The following EFNB3 variants were observed in gnomAD, a reference collection of about 807,000 sequenced individuals.
The protein encoded by EFNB3 is ephrin B3, also known as ephrin-B3.
EFNB3 carries 14 observed loss-of-function variants against 29.8 expected under a neutral mutation model. The observed-to-expected ratio is 0.47, with a 90% confidence interval of 0.31 to 0.73. EFNB3 has a LOEUF of 0.73. Among genes scored for constraint, EFNB3 ranks in the 30% least tolerant of loss-of-function variants. EFNB3 has a pLI of 0.05. For missense variants in EFNB3, 408 were observed against 458.0 expected, an observed-to-expected ratio of 0.89 and a Z score of 1.00; for synonymous variants, 216 against 191.6, an observed-to-expected ratio of 1.13 and a Z score of -1.05.
In EFNB3 at chr17:7,709,685, C is replaced by A. The variant is rs1004386410; in HGVS notation, c.*109C>A. The A allele has an allele frequency of 1.7e-6, 2 of 1,143,744 alleles. No individual in the cohort carries two copies. Among genetic ancestry groups the A allele is most frequent in the Non-Finnish European group, 2.6e-6 (2 of 783,750 alleles). 70.8% of individuals were successfully genotyped at this position (1,143,744 alleles called of 1,614,324 possible). ...AACATCTCGGCCCCCTGTGCCCCCC[C>A]AGCCCCTTCACTCCTCCCGGCTGCT... On this transcript the variant is annotated 3_prime_UTR_variant, in exon 5 of 5. Coordinates refer to ENST00000226091, the MANE Select transcript of EFNB3 (RefSeq NM_001406.4). This position sits in a 1 kb window ranked among gnomAD's most constrained non-coding sequence, Gnocchi z 4.5.
Position 7,708,887 on chromosome 17 carries a change from A to G in EFNB3, c.613+148A>G, listed in dbSNP as rs1358031039. 11 of 737,008 alleles carry G rather than the reference A, an allele frequency of 1.5e-5. No individual in the cohort carries two copies. The highest frequency in any genetic ancestry group is 5.8e-5 in the South Asian group (3 of 52,020). 45.7% of individuals were successfully genotyped at this position (737,008 alleles called of 1,614,324 possible). ...GAGAGGATGGGAGGGTGGGAGGGGA[A>G]TGGAAACCAAATGAGGAAAAGACTC... On this transcript the variant is annotated intron_variant, in intron 4 of 4. Coordinates refer to ENST00000226091, the MANE Select transcript of EFNB3 (RefSeq NM_001406.4). This position sits in a 1 kb window ranked among gnomAD's most constrained non-coding sequence, Gnocchi z 6.8.
Position 7,708,592 on chromosome 17 carries a change from G to A in EFNB3, c.509-43G>A. ...CGTTGGGGCAGTACGATCATGGTTGGGGCAGTTGTCTCAGCCCCTCTCTGG... is the reference window on the plus strand; with the variant it reads ...CGTTGGGGCAGTACGATCATGGTTGAGGCAGTTGTCTCAGCCCCTCTCTGG... On this transcript the variant is annotated intron_variant, in intron 3 of 4. Transcript: ENST00000226091. The surrounding 1 kb of genome is among the most constrained non-coding windows in gnomAD (Gnocchi z 6.8). 6.3e-7 allele frequency: 1 copy of A among 1,589,662 alleles called. No individual in the cohort carries two copies. The highest frequency in any genetic ancestry group is 8.6e-7 in the Non-Finnish European group (1 of 1,166,902).
rs1469634196 is a variant in EFNB3 at position 7,709,495 on chromosome 17, G to A, written c.942G>A (p.Val314=). 1.2e-5 allele frequency: 19 copies of A among 1,613,774 alleles called. No homozygotes were observed. The highest frequency in any genetic ancestry group is 1.6e-5 in the Non-Finnish European group (19 of 1,179,916). ...CCTTCTGCCCCCACTATGAGAAGGT[G>A]AGTGGTGACTATGGGCATCCTGTGT... The part of the protein sequence containing the change: ...DPPFCPHYEK[V]SGDYGHPVYI... The change falls in exon 5 of 5, where the codon GTG becomes GTA. Residue 314 remains valine (V), a synonymous_variant. Transcript: ENST00000226091. This position sits in a 1 kb window ranked among gnomAD's most constrained non-coding sequence, Gnocchi z 4.5.
rs1178679010 is a variant in EFNB3, at chr17:7,709,467, C to T, written c.914C>T (p.Pro305Leu). 3.1e-6 allele frequency: 5 copies of T among 1,613,476 alleles called. No individual in the cohort carries two copies. In the African/African-American group the frequency reaches 6.7e-5, roughly 22 times the overall value. ...IALRGGGAAD[P>L]PFCPHYEKVS... is the part of the protein sequence containing the mutation. ...CTGCGGGGTGGCGGGGCTGCAGATCCCCCCTTCTGCCCCCACTATGAGAAG... is the reference window on the plus strand; with the variant it reads ...CTGCGGGGTGGCGGGGCTGCAGATCTCCCCTTCTGCCCCCACTATGAGAAG... Residue 305 changes from proline (P) to leucine (L), a missense_variant, in exon 5 of 5, where the codon CCC becomes CTC. By Grantham distance (98) the Pro-to-Leu change is moderately conservative (BLOSUM62 -3). Transcript: ENST00000226091. The surrounding 1 kb of genome is among the most constrained non-coding windows in gnomAD (Gnocchi z 4.5).
Position 7,708,832 on chromosome 17 carries a change from T to C in EFNB3, c.613+93T>C, listed in dbSNP as rs1366804253. ...CGTCACCCTCCCTCCCTCTTCAGTTTTGGGGGCGGTGATACAGGAAAGAGG... is the reference window on the plus strand; with the variant it reads ...CGTCACCCTCCCTCCCTCTTCAGTTCTGGGGGCGGTGATACAGGAAAGAGG... On this transcript the variant is annotated intron_variant, in intron 4 of 4. Coordinates refer to ENST00000226091, the MANE Select transcript of EFNB3 (RefSeq NM_001406.4). This position sits in a 1 kb window ranked among gnomAD's most constrained non-coding sequence, Gnocchi z 6.8. 3.1e-5 allele frequency: 36 copies of C among 1,157,048 alleles called. No homozygotes were observed. The highest frequency in any genetic ancestry group is 4.0e-5 in the Non-Finnish European group (33 of 830,904). 71.7% of individuals were successfully genotyped at this position (1,157,048 alleles called of 1,614,324 possible). A position where few individuals can be genotyped will look rare whatever the true frequency, so the allele number is the denominator to read the frequency against.
chr17:7,707,777 A>G (rs983895464), intron 1 of EFNB3, among the ~76,000 whole-genome samples, 181 bp from the exon 2 acceptor site: 5 of 152,146 alleles, frequency 3.3e-5, no homozygotes, highest in Admixed American at 3.3e-4. Flanking sequence ...TGCTGCTTCC[A>G]ATGTGAATGC....
At position 7,708,752 on chromosome 17, in the gene EFNB3, G is replaced by A; in HGVS notation, c.613+13G>A. Reference sequence around the variant, plus strand: ...GAGAACCTGCCAGGTAGGAACCAGGGGCTAGGCCCCTGCCTTCCCCAGCTT... The same window carrying A: ...GAGAACCTGCCAGGTAGGAACCAGGAGCTAGGCCCCTGCCTTCCCCAGCTT... On this transcript the variant is annotated intron_variant, in intron 4 of 4. Coordinates refer to ENST00000226091, the MANE Select transcript of EFNB3 (RefSeq NM_001406.4). This position sits in a 1 kb window ranked among gnomAD's most constrained non-coding sequence, Gnocchi z 6.8. The A allele has an allele frequency of 1.3e-6, 2 of 1,537,054 alleles. No homozygotes were observed. Among genetic ancestry groups the A allele is most frequent in the Non-Finnish European group, 1.8e-6 (2 of 1,140,604 alleles).
At position 7,708,266 on chromosome 17, in the gene EFNB3, G is replaced by A. The variant is rs999150896; in HGVS notation, c.415+16G>A. On this transcript the variant is annotated intron_variant, in intron 2 of 4. Coordinates refer to ENST00000226091, the MANE Select transcript of EFNB3 (RefSeq NM_001406.4). This position sits in a 1 kb window ranked among gnomAD's most constrained non-coding sequence, Gnocchi z 6.8. ...TACATCATTGGTACTGCTGGGCAGA[G>A]GGCACGATTGAGTGGGGGGCTCCTG... 2 of 1,605,912 alleles carry A rather than the reference G, an allele frequency of 1.2e-6. No individual in the cohort carries two copies. The highest frequency in any genetic ancestry group is 1.1e-5 in the South Asian group (1 of 90,784).
At chr17:7,706,087 G>A (rs932868954) in intron 1 of EFNB3, among the ~76,000 whole-genome samples, 2 of 150,892 alleles carry the variant, frequency 1.3e-5, no homozygotes, top group African/African-American at 4.9e-5. Context: ...TGCAGATTAG[G>A]TGCTGCGAGT....
chr17:7,708,839 C>A lies in EFNB3; in HGVS notation c.613+100C>A. 2.5e-6 allele frequency: 2 copies of A among 791,550 alleles called. No homozygotes were observed. Among genetic ancestry groups the A allele is most frequent in the Non-Finnish European group, 3.7e-6 (2 of 540,112 alleles). 49.0% of individuals were successfully genotyped at this position (791,550 alleles called of 1,614,324 possible). On this transcript the variant is annotated intron_variant, in intron 4 of 4. Transcript: ENST00000226091. The surrounding 1 kb of genome is among the most constrained non-coding windows in gnomAD (Gnocchi z 6.8). The stretch of plus-strand genomic sequence containing the variant: ...CTCCCTCCCTCTTCAGTTTTGGGGG[C>A]GGTGATACAGGAAAGAGGAGAAGAG...
In EFNB3 at chr17:7,709,764, C is replaced by T; in HGVS notation, c.*188C>T. 1 of 681,686 alleles carries T rather than the reference C, an allele frequency of 1.5e-6. No homozygotes were observed. The highest frequency in any genetic ancestry group is 2.5e-6 in the Non-Finnish European group (1 of 396,686). The allele number at this position is 681,686 out of a possible 1,614,324, so 42.2% of individuals were successfully genotyped here. On this transcript the variant is annotated 3_prime_UTR_variant, in exon 5 of 5. Transcript: ENST00000226091. This position sits in a 1 kb window ranked among gnomAD's most constrained non-coding sequence, Gnocchi z 4.5. ...AGGATTCCCACTGCCCCACTTCCTG[C>T]CCTCCCGTTTGGCCATGGGTGCCCC...
Position 7,709,917 on chromosome 17 carries a change from C to T in EFNB3, c.*341C>T. 1 of 426,992 alleles carries T rather than the reference C, an allele frequency of 2.3e-6. No homozygotes were observed. The highest frequency in any genetic ancestry group is 4.2e-6 in the Non-Finnish European group (1 of 237,912). The allele number at this position is 426,992 out of a possible 1,614,324, so 26.5% of individuals were successfully genotyped here. On this transcript the variant is annotated 3_prime_UTR_variant, in exon 5 of 5. Coordinates refer to ENST00000226091, the MANE Select transcript of EFNB3 (RefSeq NM_001406.4). This position sits in a 1 kb window ranked among gnomAD's most constrained non-coding sequence, Gnocchi z 4.5. ...AGAGCTAGGGGCGGGAACAGCCCACCTTTTGGTTGGCACCGCCTTCTTTCT... is the reference window on the plus strand; with the variant it reads ...AGAGCTAGGGGCGGGAACAGCCCACTTTTTGGTTGGCACCGCCTTCTTTCT...
chr17:7,708,626 C>T lies in EFNB3; in HGVS notation c.509-9C>T. On this transcript the variant is annotated splice_polypyrimidine_tract_variant and intron_variant, in intron 3 of 4. Coordinates refer to ENST00000226091, the MANE Select transcript of EFNB3 (RefSeq NM_001406.4). This position sits in a 1 kb window ranked among gnomAD's most constrained non-coding sequence, Gnocchi z 6.8. ...TCTCAGCCCCTCTCTGGGTCTTCCT[C>T]ATCTCCAGGTCCCCGAGGAGGGGCT... 3.2e-6 allele frequency: 5 copies of T among 1,579,978 alleles called. No homozygotes were observed. Among genetic ancestry groups the T allele is most frequent in the Non-Finnish European group, 4.3e-6 (5 of 1,162,030 alleles).
Position 7,709,385 on chromosome 17 carries a change from G to T in EFNB3, c.832G>T (p.Gly278Trp). ...SFGRGGSLGL[G>W]GGGGMGPREA... Reference sequence around the variant, plus strand: ...CGGGAGGGGAGGGTCTCTGGGCCTGGGGGGTGGAGGTGGGATGGGACCTCG... The same window carrying T: ...CGGGAGGGGAGGGTCTCTGGGCCTGTGGGGTGGAGGTGGGATGGGACCTCG... The change falls in exon 5 of 5, where the codon GGG becomes TGG. Residue 278 changes from glycine (G) to tryptophan (W), a missense_variant. Around this residue, in one of 3 missense-constraint regions of EFNB3, gnomAD observed 233 missense variants for 230.7 expected, o/e 1.01. Coordinates refer to ENST00000226091, the MANE Select transcript of EFNB3 (RefSeq NM_001406.4). This position sits in a 1 kb window ranked among gnomAD's most constrained non-coding sequence, Gnocchi z 4.5. 1 of 1,596,436 alleles carries T rather than the reference G, an allele frequency of 6.3e-7. No individual in the cohort carries two copies. The highest frequency in any genetic ancestry group is 8.5e-7 in the Non-Finnish European group (1 of 1,170,538).
Position 7,705,638 on chromosome 17 carries a change from G to A in EFNB3, c.40G>A (p.Gly14Arg), listed in dbSNP as rs778254637. The stretch of plus-strand genomic sequence containing the variant: ...TTCTGGGCCGGGGGGCGTGCGAGTC[G>A]GGGCCCTGCTGCTGCTGGGGGTTTT... ...PHSGPGGVRV[G>R]ALLLLGVLGL... Residue 14 changes from glycine (G) to arginine (R), a missense_variant, in exon 1 of 5, where the codon GGG becomes AGG. Around this residue, in one of 3 missense-constraint regions of EFNB3, gnomAD observed 128 missense variants for 140.8 expected, o/e 0.91. Transcript: ENST00000226091. This position sits in a 1 kb window ranked among gnomAD's most constrained non-coding sequence, Gnocchi z 5.4. 3 of 1,516,540 alleles carry A rather than the reference G, an allele frequency of 2.0e-6. No homozygotes were observed. The South Asian group carries it at 3.9e-5, about 20-fold the overall frequency. 93.9% of individuals were successfully genotyped at this position (1,516,540 alleles called of 1,614,324 possible). A position where few individuals can be genotyped will look rare whatever the true frequency, so the allele number is the denominator to read the frequency against.
Position 7,710,055 on chromosome 17 carries a change from C to A in EFNB3, c.*479C>A. 1 of 207,376 alleles carries A rather than the reference C, an allele frequency of 4.8e-6. No individual in the cohort carries two copies. The highest frequency in any genetic ancestry group is 1.8e-4 in the East Asian group (1 of 5,512). 12.8% of individuals were successfully genotyped at this position (207,376 alleles called of 1,614,324 possible). A position where few individuals can be genotyped will look rare whatever the true frequency, so the allele number is the denominator to read the frequency against. On this transcript the variant is annotated 3_prime_UTR_variant, in exon 5 of 5. Coordinates refer to ENST00000226091, the MANE Select transcript of EFNB3 (RefSeq NM_001406.4). ...CCCACATCTCCTTTCACCCTCTTGG[C>A]TTCTTATCCTGTGCCTCTCCCATCT...
rs894738055 is a variant in EFNB3, at chr17:7,709,480, C to T, written c.927C>T (p.Pro309=). 9.9e-6 allele frequency: 16 copies of T among 1,613,614 alleles called. No individual in the cohort carries two copies. Among genetic ancestry groups the T allele is most frequent in the African/African-American group, 1.3e-5 (1 of 74,836 alleles). Residue 309 remains proline (P), a synonymous_variant, in exon 5 of 5, where the codon CCC becomes CCT. Transcript: ENST00000226091. This position sits in a 1 kb window ranked among gnomAD's most constrained non-coding sequence, Gnocchi z 4.5. ...GGGCTGCAGATCCCCCCTTCTGCCCCCACTATGAGAAGGTGAGTGGTGACT... is the reference window on the plus strand; with the variant it reads ...GGGCTGCAGATCCCCCCTTCTGCCCTCACTATGAGAAGGTGAGTGGTGACT... ...GGGAADPPFC[P]HYEKVSGDYG...
In EFNB3 at chr17:7,708,026, G is replaced by A. The variant is rs777635519; in HGVS notation, c.191G>A (p.Arg64Gln). 6 of 1,614,020 alleles carry A rather than the reference G, an allele frequency of 3.7e-6. No individual in the cohort carries two copies. The highest frequency in any genetic ancestry group is 1.6e-4 in the Middle Eastern group (1 of 6,062). ...IGDRLDLLCPRARPPGPHSSP... is the reference protein window; with the variant it reads ...IGDRLDLLCPQARPPGPHSSP... ...GACCGGCTAGACCTGCTCTGCCCCC[G>A]GGCCCGGCCTCCTGGCCCTCACTCC... Residue 64 changes from arginine to glutamine, a missense_variant, in exon 2 of 5, where the codon CGG (arginine) becomes CAG (glutamine). Around this residue, in one of 3 missense-constraint regions of EFNB3, gnomAD observed 128 missense variants for 140.8 expected, o/e 0.91. Transcript: ENST00000226091. The surrounding 1 kb of genome is among the most constrained non-coding windows in gnomAD (Gnocchi z 6.8).
At position 7,705,652 on chromosome 17, in the gene EFNB3, G is replaced by T; in HGVS notation, c.54G>T (p.Leu18=). ...GCGTGCGAGTCGGGGCCCTGCTGCTGCTGGGGGTTTTGGGGCTGGTGTCTG... is the reference window on the plus strand; with the variant it reads ...GCGTGCGAGTCGGGGCCCTGCTGCTTCTGGGGGTTTTGGGGCTGGTGTCTG... ...PGGVRVGALL[L]LGVLGLVSGL... Residue 18 remains leucine (L), a synonymous_variant, in exon 1 of 5, where the codon CTG becomes CTT. Coordinates refer to ENST00000226091, the MANE Select transcript of EFNB3 (RefSeq NM_001406.4). The surrounding 1 kb of genome is among the most constrained non-coding windows in gnomAD (Gnocchi z 5.4). The T allele has an allele frequency of 6.6e-7, 1 of 1,524,364 alleles. No homozygotes were observed. The allele number at this position is 1,524,364 out of a possible 1,614,324, so 94.4% of individuals were successfully genotyped here.
Sources: gnomAD v4.1 joint callset for allele counts (sites outside exome capture counted in the v4.1 genomes callset) on GRCh38, gnomAD v4.1.1 for gene constraint, gnomAD v4.1.1 regional missense constraint, Gnocchi (gnomAD v3.1) non-coding constraint, MANE v1.5 for transcripts, NCBI Gene and HGNC (gene_info 2026-07-23, HGNC 2026-07-21) for gene names.